The following FAT3 variants were observed in gnomAD, a reference collection of about 807,000 sequenced individuals.
FAT3 encodes protocadherin Fat 3.
In FAT3, 95 loss-of-function variants were observed where a neutral mutation model predicts 310.2. That is an observed-to-expected ratio of 0.31 (90% CI 0.26 to 0.36). The LOEUF is 0.36. Among genes scored for constraint, FAT3 ranks in the 10% least tolerant of loss-of-function variants. FAT3 has a pLI of 1.00. For missense variants in FAT3, 5,408 were observed against 5,715.6 expected (o/e 0.95, Z 1.74); for synonymous variants, 2,314 against 2,192.9 (o/e 1.06, Z -1.54).
At chr11:92,869,564 C>T (rs1426155638) in intron 22 of FAT3, among the ~76,000 whole-genome samples, 2 of 152,118 alleles carry the variant, frequency 1.3e-5, no homozygotes, top group South Asian at 2.1e-4. Context: ...TTTTCTTGCC[C>T]CTATTGTCTA....
At chr11:92,537,663 C>A (rs1954304674) in intron 3 of FAT3, among the ~76,000 whole-genome samples, 1 of 152,136 alleles carries the variant, frequency 6.6e-6, no homozygotes, top group African/African-American at 2.4e-5. Context: ...GACAGACAGA[C>A]AACAGACAAA....
chr11:92,288,866 T>C (rs924393741), intron 1 of FAT3, among the ~76,000 whole-genome samples: 2 of 152,102 alleles, frequency 1.3e-5, no homozygotes, highest in Non-Finnish European at 2.9e-5. Context: ...TGGACCACAC[T>C]TGGTTGGTTC....
chr11:92,471,859 T>TA, intron 2 of FAT3, among the ~76,000 whole-genome samples: 1 of 147,802 alleles, frequency 6.8e-6, no homozygotes, highest in East Asian at 2.0e-4. Context: ...TAAATAAATC[T>TA]CAAAAAACAT....
intron 3 of FAT3, among the ~76,000 whole-genome samples, chr11:92,557,351 G>A (rs1050113615): frequency 3.3e-5 from 5 of 152,068 alleles, no homozygotes; most frequent in African/African-American, 2.4e-5. Context: ...CACTGTGCCC[G>A]GGCTGATGAC....
chr11:92,466,613 G>C, intron 2 of FAT3, among the ~76,000 whole-genome samples: 1 of 149,664 alleles, frequency 6.7e-6, no homozygotes, highest in Non-Finnish European at 1.5e-5. Context: ...TTAAGTTTTA[G>C]GGTACATGTA....
At chr11:92,507,223 G>C (rs567482724) in intron 2 of FAT3, among the ~76,000 whole-genome samples, 1 of 152,142 alleles carries the variant, frequency 6.6e-6, no homozygotes, top group Non-Finnish European at 1.5e-5. Flanking sequence ...GCCATTTAAT[G>C]GGATGAAATG....
intron 2 of FAT3, among the ~76,000 whole-genome samples, chr11:92,398,053 C>T (rs1208211171): frequency 6.6e-6 from 1 of 151,966 alleles, no homozygotes; most frequent in Admixed American, 6.6e-5. Context: ...AGGGCCACAC[C>T]CTCTCTGACT....
intron 14 of FAT3, among the ~76,000 whole-genome samples, chr11:92,833,259 A>G (rs965299182): frequency 1.3e-5 from 2 of 152,114 alleles, no homozygotes; most frequent in South Asian, 2.1e-4. Context: ...GGAAGTTCCC[A>G]TTTTGCAGAG....
At chr11:92,709,642 T>C (rs1052663683) in intron 4 of FAT3, among the ~76,000 whole-genome samples, 1 of 152,218 alleles carries the variant, frequency 6.6e-6, no homozygotes, top group African/African-American at 2.4e-5. Flanking sequence ...CTCCAGGTAA[T>C]CCACAACCCA....
At chr11:92,673,592 G>A (rs529907120) in intron 3 of FAT3, among the ~76,000 whole-genome samples, 1 of 152,270 alleles carries the variant, frequency 6.6e-6, no homozygotes, top group Admixed American at 6.5e-5. Context: ...TGCAAAGATG[G>A]TTGCCTCCAA....
rs372530774 is a variant in FAT3, at chr11:92,798,433, G to C, written c.5420G>C (p.Arg1807Pro). ...CGAGCCACAGATGCTGACAGCAACC[G>C]GAATGCTCTGCTTGTGTATCAGATT... ...VIRATDADSN[R>P]NALLVYQIVE... Residue 1807 changes from arginine to proline, a missense_variant, in exon 10 of 28, where the codon CGG becomes CCG. Arg to Pro is a moderately radical substitution (Grantham distance 103, BLOSUM62 -2). This residue lies in a region of FAT3 where 4,588 missense variants were observed against 4,809.8 expected (regional missense o/e 0.95). Transcript: ENST00000525166. The C allele has an allele frequency of 3.7e-6, 6 of 1,613,058 alleles. No individual in the cohort carries two copies. The African/African-American group carries it at 8.0e-5, about 22-fold the overall frequency.
At chr11:92,873,174 A>G (rs975909413) in intron 22 of FAT3, among the ~76,000 whole-genome samples, 4 of 152,162 alleles carry the variant, frequency 2.6e-5, no homozygotes, top group African/African-American at 7.2e-5. Flanking sequence ...CGATGAAGTG[A>G]GTATTAGTGA....
intron 3 of FAT3, chr11:92,559,383 CTT>C (rs386374501): frequency 6.6e-3 from 943 of 143,548 alleles, no homozygotes; most frequent in South Asian, 0.023. Flanking sequence ...ACTTATTTTC[CTT>C]TTTTTTTTTT....
intron 3 of FAT3, among the ~76,000 whole-genome samples, chr11:92,678,803 T>C (rs1943374014): frequency 6.6e-6 from 1 of 152,228 alleles, no homozygotes; most frequent in Non-Finnish European, 1.5e-5. Flanking sequence ...CTTTTTTAAC[T>C]TTTTTAAATT....
intron 2 of FAT3, among the ~76,000 whole-genome samples, chr11:92,458,367 T>C (rs762071963): frequency 6.6e-6 from 1 of 152,204 alleles, no homozygotes; most frequent in Non-Finnish European, 1.5e-5. Flanking sequence ...GTTTGCCCTG[T>C]ATGTGGAGGT....
At chr11:92,806,807 A>C (rs1274487427) in intron 12 of FAT3, among the ~76,000 whole-genome samples, 4 of 152,168 alleles carry the variant, frequency 2.6e-5, no homozygotes, top group Non-Finnish European at 5.9e-5. Flanking sequence ...GGGAGAGGGA[A>C]GTTGGGGGAC....
At chr11:92,445,733 T>C (rs1248545760) in intron 2 of FAT3, among the ~76,000 whole-genome samples, 1 of 152,134 alleles carries the variant, frequency 6.6e-6, no homozygotes, top group Admixed American at 6.6e-5. Context: ...AAGGAGCCTG[T>C]TCATTTTTGG....
intron 3 of FAT3, among the ~76,000 whole-genome samples, chr11:92,565,880 C>T (rs182264771): frequency 8.4e-4 from 128 of 152,150 alleles, no homozygotes; most frequent in African/African-American, 2.9e-3. Flanking sequence ...ATTGATGGGA[C>T]GTATCTCAAA....
rs1950004184 is a variant in FAT3 at position 92,895,158 on chromosome 11, GTTTTA to G, written c.*4047_*4051del. 2 of 152,192 alleles carry G rather than the reference GTTTTA, an allele frequency of 1.3e-5. No homozygotes were observed. The highest frequency in any genetic ancestry group is 1.3e-4 in the Admixed American group (2 of 15,280). 9.4% of individuals were successfully genotyped at this position (152,192 alleles called of 1,614,324 possible). A position where few individuals can be genotyped will look rare whatever the true frequency, so the allele number is the denominator to read the frequency against. On this transcript the variant is annotated 3_prime_UTR_variant, in exon 28 of 28. Transcript: ENST00000525166. ...ATTGCTAAAGTGGTTAGGCTTTAAT[GTTTTA>G]TGTTTTTAGTTTCAAACTATGGGAA...
Sources: gnomAD v4.1 joint callset for allele counts (sites outside exome capture counted in the v4.1 genomes callset) on GRCh38, gnomAD v4.1.1 for gene constraint, gnomAD v4.1.1 regional missense constraint, MANE v1.5 for transcripts, NCBI Gene and HGNC (gene_info 2026-07-23, HGNC 2026-07-21) for gene names.